Variants in PRKCE observed in about 807,000 individuals in gnomAD.
PRKCE encodes the protein protein kinase C epsilon type.
A neutral mutation model predicts 85.4 loss-of-function variants in PRKCE; 16 were observed. That is an observed-to-expected ratio of 0.19 (90% CI 0.13 to 0.28). PRKCE has a LOEUF of 0.28. Ranked by LOEUF, PRKCE falls within the 10% of genes least tolerant of loss-of-function variation. PRKCE has a pLI of 1.00. For synonymous variants in PRKCE, 388 were observed against 371.5 expected (o/e 1.04, Z -0.51); for missense variants, 573 against 975.2 (o/e 0.59, Z 5.49).
At chr2:45,812,088 C>T (rs1211864830) in intron 1 of PRKCE, among the ~76,000 whole-genome samples, 1 of 152,176 alleles carries the variant, frequency 6.6e-6, no homozygotes, top group Non-Finnish European at 1.5e-5. Flanking sequence ...TCAGCTCAAC[C>T]CTGATGAGCA....
chr2:46,071,174 C>T lies in PRKCE; in HGVS notation c.1438-15034C>T, dbSNP rs531361647. ...AATCTCCACTCTTCTATGGAAACTT[C>T]CAAATAATAAAATACCATCGAATAA... is the stretch of plus-strand genomic sequence containing the variant. On this transcript the variant is annotated intron_variant, in intron 10 of 14. Transcript: ENST00000306156. Among the ~76,000 whole-genome samples, 3 of 152,292 alleles carry T rather than the reference C, an allele frequency of 2.0e-5. No individual in the cohort carries two copies. In the South Asian group the frequency reaches 6.2e-4, roughly 32 times the overall value.
At chr2:45,719,962 A>G (rs1034509948) in intron 1 of PRKCE, among the ~76,000 whole-genome samples, 3 of 152,114 alleles carry the variant, frequency 2.0e-5, no homozygotes, top group Non-Finnish European at 4.4e-5. Context: ...CAAAATAACA[A>G]TAGCAACAGA....
At chr2:45,887,050 C>T (rs1002557306) in intron 2 of PRKCE, among the ~76,000 whole-genome samples, 3 of 152,190 alleles carry the variant, frequency 2.0e-5, no homozygotes, top group African/African-American at 7.2e-5. Context: ...GAGTATTGCT[C>T]CTTCTTGTAA....
rs1324999238 is a variant in PRKCE, at chr2:45,672,121, AT to A, written c.348+19674del. ...AAAATCCAGTAGAGACAGAAAAAGT[AT>A]GAGTAAACAGGTTTCCTGATTCCTA... On this transcript the variant is annotated intron_variant, in intron 1 of 14. Transcript: ENST00000306156. Among the ~76,000 whole-genome samples, 20 of 151,862 alleles carry A rather than the reference AT, an allele frequency of 1.3e-4. 1 individual carries two copies. Among genetic ancestry groups the A allele is most frequent in the Admixed American group, 1.3e-3 (20 of 15,244 alleles).
chr2:45,714,192 G>A (rs895043937), intron 1 of PRKCE, among the ~76,000 whole-genome samples: 4 of 152,144 alleles, frequency 2.6e-5, no homozygotes, highest in Admixed American at 2.0e-4. Flanking sequence ...ACTTAGAGTC[G>A]GATGGAGGAG....
At chr2:46,019,331 C>A (rs1393157093) in intron 10 of PRKCE, among the ~76,000 whole-genome samples, 1 of 152,066 alleles carries the variant, frequency 6.6e-6, no homozygotes. Flanking sequence ...TAAATGGTCC[C>A]CATCTGAGTG....
chr2:45,928,050 T>C (rs1242285922), intron 2 of PRKCE, among the ~76,000 whole-genome samples: 2 of 152,120 alleles, frequency 1.3e-5, no homozygotes, highest in Non-Finnish European at 2.9e-5. Flanking sequence ...TCTAAGATAG[T>C]ACCCCTAGCA....
In PRKCE at chr2:45,895,986, G is replaced by T. The variant is rs562931688; in HGVS notation, c.412+52923G>T. Among the ~76,000 whole-genome samples the T allele has an allele frequency of 6.6e-6, 1 of 152,308 alleles. No homozygotes were observed. The highest frequency in any genetic ancestry group is 2.4e-5 in the African/African-American group (1 of 41,568). ...GGAGGGCACTTCAGGTAGAGCGTGG[G>T]CACTGCACAATGGTTGTCCTGGATG... is the stretch of plus-strand genomic sequence containing the variant. On this transcript the variant is annotated intron_variant, in intron 2 of 14. Transcript: ENST00000306156. This position sits in a 1 kb window ranked among gnomAD's most constrained non-coding sequence, Gnocchi z 4.8.
At chr2:46,126,341 C>T (rs1030133874) in intron 11 of PRKCE, among the ~76,000 whole-genome samples, 75 of 152,234 alleles carry the variant, frequency 4.9e-4, no homozygotes, top group Admixed American at 4.5e-3. Flanking sequence ...TTGTAGACCT[C>T]GCTGCCTATT....
intron 2 of PRKCE, among the ~76,000 whole-genome samples, chr2:45,949,509 C>G (rs1258356527): frequency 1.6e-5 from 2 of 125,762 alleles, no homozygotes; most frequent in Non-Finnish European, 3.2e-5. Flanking sequence ...AATGTCTTTT[C>G]TCGGTATCTT....
intron 2 of PRKCE, among the ~76,000 whole-genome samples, chr2:45,884,966 TA>T (rs1474493211): frequency 0.04 from 2,262 of 56,906 alleles, 226 homozygotes; most frequent in African/African-American, 0.072. Context: ...TATATATATA[TA>T]TATATATATA....
chr2:45,869,704 C>CTTTT (rs1246509613), intron 2 of PRKCE, among the ~76,000 whole-genome samples: 48 of 116,884 alleles, frequency 4.1e-4, no homozygotes, highest in Non-Finnish European at 5.8e-4. Flanking sequence ...GTTTCTCTCT[C>CTTTT]TCTTTTTTTT....
At chr2:45,690,242 C>T (rs778924835) in intron 1 of PRKCE, among the ~76,000 whole-genome samples, 1 of 152,204 alleles carries the variant, frequency 6.6e-6, no homozygotes, top group East Asian at 1.9e-4. Context: ...TTCCCTGCAG[C>T]TCTAAATTTC....
rs1277319815 is a variant in PRKCE at position 46,184,460 on chromosome 2, C to T, written c.2068-275C>T. 6.6e-6 allele frequency among the ~76,000 whole-genome samples: 1 copy of T among 151,816 alleles called. No homozygotes were observed. The highest frequency in any genetic ancestry group is 1.5e-5 in the Non-Finnish European group (1 of 67,940). ...ACACACACACACACACACACACACA[C>T]ACGTCTGTGGGAATCCCACTTCCCT... On this transcript the variant is annotated intron_variant, in intron 14 of 14. Transcript: ENST00000306156. The surrounding 1 kb of genome is among the most constrained non-coding windows in gnomAD (Gnocchi z 5.0).
At chr2:45,958,816 ATTTTTTTTTTTTTTTTTTTTTT>A (rs569651784) in intron 2 of PRKCE, among the ~76,000 whole-genome samples, 4 of 18,158 alleles carry the variant, frequency 2.2e-4, no homozygotes, top group South Asian at 4.0e-3. Context: ...ATATATATAT[ATTTTTTTTTTTTTTTTTTTTTT>A]TTTTTTTTTT....
chr2:45,791,724 T>A (rs568162713), intron 1 of PRKCE, among the ~76,000 whole-genome samples: 10 of 152,284 alleles, frequency 6.6e-5, no homozygotes, highest in African/African-American at 2.4e-4. Context: ...TGATGCTGGG[T>A]TAATGCGCTC....
intron 1 of PRKCE, among the ~76,000 whole-genome samples, chr2:45,788,614 A>C (rs943068097): frequency 2.0e-5 from 3 of 152,202 alleles, no homozygotes; most frequent in Admixed American, 6.5e-5. Flanking sequence ...TGGTTTAGAA[A>C]CCAGATAAGT....
At chr2:45,807,285 T>G (rs1021711107) in intron 1 of PRKCE, among the ~76,000 whole-genome samples, 1 of 152,300 alleles carries the variant, frequency 6.6e-6, no homozygotes, top group East Asian at 1.9e-4. Flanking sequence ...CACATAACAG[T>G]GGAATGATCA....
chr2:45,836,873 G>C (rs935657), intron 1 of PRKCE, among the ~76,000 whole-genome samples: 98,477 of 152,144 alleles, frequency 0.65, 32,841 homozygotes, highest in African/African-American at 0.8. Context: ...CCCTGTCCCT[G>C]TTGCCCTTTT....
Sources: allele counts gnomAD v4.1 joint callset (sites outside exome capture counted in the v4.1 genomes callset), GRCh38; gene constraint gnomAD v4.1.1; non-coding constraint Gnocchi (gnomAD v3.1); transcripts MANE v1.5; gene names NCBI Gene and HGNC (gene_info 2026-07-23, HGNC 2026-07-21).